The following CYREN variants were observed in gnomAD, a reference collection of about 807,000 sequenced individuals.
CYREN encodes the protein cell cycle regulator of non-homologous end joining.
Under a neutral mutation model 9.7 loss-of-function variants are expected in CYREN, and 7 were observed. That is an observed-to-expected ratio of 0.72 (90% CI 0.41 to 1.36). The LOEUF is 1.36. Ranked by LOEUF, CYREN falls within the 40% of genes most tolerant of loss-of-function variation. The pLI, the probability that CYREN is intolerant of heterozygous loss-of-function variation, is 0.01. For missense variants in CYREN, 215 were observed against 198.1 expected (o/e 1.09, Z -0.51); for synonymous variants, 76 against 77.9 (o/e 0.98, Z 0.13).
intron 2 of CYREN, among the ~76,000 whole-genome samples, chr7:135,122,516 A>AC (rs916679175): frequency 4.6e-5 from 7 of 151,332 alleles, no homozygotes; most frequent in East Asian, 1.9e-4. Flanking sequence ...AGCGAAGCAC[A>AC]CCCCCCCAAC....
At chr7:135,138,106 A>G (rs932175883) in intron 2 of CYREN, among the ~76,000 whole-genome samples, 3 of 152,048 alleles carry the variant, frequency 2.0e-5, no homozygotes, top group African/African-American at 7.2e-5. Flanking sequence ...AAAGTGAAAG[A>G]GAAATGGACT....
At chr7:135,097,212 A>C (rs1163249120) in intron 2 of CYREN, among the ~76,000 whole-genome samples, 1 of 152,204 alleles carries the variant, frequency 6.6e-6, no homozygotes, top group Non-Finnish European at 1.5e-5. Flanking sequence ...CCGTCGGTCA[A>C]CAAAGGGAAA....
intron 2 of CYREN, among the ~76,000 whole-genome samples, chr7:135,140,709 G>A (rs2117394963): frequency 6.6e-6 from 1 of 152,030 alleles, no homozygotes; most frequent in African/African-American, 2.4e-5. Flanking sequence ...ATCATAGGTG[G>A]CTCTTATTAT....
chr7:135,149,996 T>C (rs1479990189), intron 2 of CYREN, among the ~76,000 whole-genome samples: 1 of 152,222 alleles, frequency 6.6e-6, no homozygotes, highest in Non-Finnish European at 1.5e-5. Context: ...TAGTTAAACC[T>C]GTGCAATTCT....
chr7:135,168,821 C>G lies in CYREN; in HGVS notation c.102G>C (p.Arg34Ser). The G allele has an allele frequency of 2.5e-6, 4 of 1,614,170 alleles. No homozygotes were observed. Among genetic ancestry groups the G allele is most frequent in the Non-Finnish European group, 3.4e-6 (4 of 1,180,002 alleles). Residue 34 changes from arginine to serine, a missense_variant, in exon 2 of 4, where the codon AGG becomes AGC. By Grantham distance (110) the Arg-to-Ser change is moderately radical. Coordinates refer to ENST00000393114, the MANE Select transcript of CYREN (RefSeq NM_024033.4). ...KNVAPMKAPK[R>S]MRMAAVPVAA... ...CCACTGGCACTGCTGCCATTCTCAT[C>G]CTCTTGGGGGCCTTCATTGGTGCCA...
chr7:135,095,789 G>A (rs1644229436), intron 2 of CYREN, among the ~76,000 whole-genome samples: 1 of 152,120 alleles, frequency 6.6e-6, no homozygotes, highest in South Asian at 2.1e-4. Context: ...ATCATCCAGG[G>A]GAGCATCACT....
intron 2 of CYREN, chr7:135,147,901 T>TGCCGGC (rs1829579228): frequency 2.2e-6 from 1 of 455,652 alleles, no homozygotes; most frequent in African/African-American, 2.0e-5. Context: ...ACCTGGCTCT[T>TGCCGGC]TAAATCAGTT....
intron 2 of CYREN, among the ~76,000 whole-genome samples, chr7:135,106,534 G>A (rs1278083909): frequency 3.3e-5 from 5 of 152,112 alleles, no homozygotes; most frequent in African/African-American, 1.2e-4. Context: ...TGCATATGTT[G>A]AACCAAACTT....
At chr7:135,127,874 A>T (rs1165817147) in intron 2 of CYREN, among the ~76,000 whole-genome samples, 3 of 152,200 alleles carry the variant, frequency 2.0e-5, no homozygotes, top group Non-Finnish European at 4.4e-5. Flanking sequence ...ACACATGCAC[A>T]CATATGTTTA....
intron 2 of CYREN, among the ~76,000 whole-genome samples, chr7:135,105,379 GT>G (rs1272948550): frequency 6.6e-6 from 1 of 152,156 alleles, no homozygotes; most frequent in African/African-American, 2.4e-5. Flanking sequence ...CTACATTCAA[GT>G]TTTTAATCCA....
chr7:135,140,511 G>A (rs1221949857), intron 2 of CYREN, among the ~76,000 whole-genome samples: 1 of 152,112 alleles, frequency 6.6e-6, no homozygotes, highest in Non-Finnish European at 1.5e-5. Context: ...TCTGCAGAGA[G>A]ATAGTTTGAC....
chr7:135,167,731 C>T lies in CYREN; in HGVS notation c.213+1G>A. The T allele has an allele frequency of 6.2e-7, 1 of 1,614,078 alleles. No homozygotes were observed. The highest frequency in any genetic ancestry group is 8.5e-7 in the Non-Finnish European group (1 of 1,179,994). ...TGAGTAAGAGGCTTGTCTGACTTTACCTCAATCAGGATTCCCAGAGCAACA... is the reference window on the plus strand; with the variant it reads ...TGAGTAAGAGGCTTGTCTGACTTTATCTCAATCAGGATTCCCAGAGCAACA... On this transcript the variant is annotated splice_donor_variant, in intron 3 of 3. Transcript: ENST00000393114. LOFTEE classifies it high-confidence loss of function.
At chr7:135,143,235 T>C (rs752040381) in intron 2 of CYREN, among the ~76,000 whole-genome samples, 1 of 152,110 alleles carries the variant, frequency 6.6e-6, no homozygotes. Context: ...AGAGGTACAA[T>C]AATCAATACA....
chr7:135,157,685 C>T (rs1051529730), intron 2 of CYREN, among the ~76,000 whole-genome samples: 4 of 152,162 alleles, frequency 2.6e-5, no homozygotes, highest in Non-Finnish European at 2.9e-5. Context: ...TCCAAGCAGT[C>T]CATGTTGGTG....
chr7:135,115,425 T>C lies in CYREN; in HGVS notation n.357-20843A>G, dbSNP rs776435914. 1.9e-6 allele frequency: 3 copies of C among 1,551,246 alleles called. No individual in the cohort carries two copies. The South Asian group carries it at 3.6e-5, about 18-fold the overall frequency. On this transcript the variant is annotated intron_variant and non_coding_transcript_variant, in intron 2 of 2. Coordinates refer to the CYREN transcript ENST00000459937. ...AGCAAAATAAAAGAATGCATATCTT[T>C]CCAAAGCAAGAAGACTGGCATAAAT...
intron 2 of CYREN, among the ~76,000 whole-genome samples, chr7:135,119,660 G>A (rs923351042): frequency 4.2e-4 from 64 of 152,096 alleles, no homozygotes; most frequent in African/African-American, 9.6e-4. Flanking sequence ...GGCAGATCAC[G>A]AGTTCAGGAG....
In CYREN at chr7:135,166,278, A is replaced by G. The variant is rs781297643; in HGVS notation, c.*333T>C. On this transcript the variant is annotated 3_prime_UTR_variant, in exon 4 of 4. Coordinates refer to ENST00000393114, the MANE Select transcript of CYREN (RefSeq NM_024033.4). ...TTTGGTTCCAGTAAGTTGGACCACC[A>G]CATGACATCATTTTCCCTGGAACCT... is the stretch of plus-strand genomic sequence containing the variant. The G allele has an allele frequency of 5.8e-5, 14 of 242,682 alleles. No individual in the cohort carries two copies. 15.0% of individuals were successfully genotyped at this position (242,682 alleles called of 1,614,324 possible).
chr7:135,168,463 T>G (rs1830397783), intron 2 of CYREN: 2 of 404,460 alleles, frequency 4.9e-6, no homozygotes, highest in Non-Finnish European at 4.5e-6. Context: ...CCATCTGATG[T>G]TACCATGTTT....
chr7:135,137,913 C>T (rs1225797118), intron 2 of CYREN, among the ~76,000 whole-genome samples: 1 of 152,010 alleles, frequency 6.6e-6, no homozygotes, highest in Non-Finnish European at 1.5e-5. Flanking sequence ...CACGTCTCTT[C>T]TTATGATCAC....
Sources: gnomAD v4.1 joint callset for allele counts (sites outside exome capture counted in the v4.1 genomes callset) on GRCh38, gnomAD v4.1.1 for gene constraint, MANE v1.5 for transcripts, NCBI Gene and HGNC (gene_info 2026-07-23, HGNC 2026-07-21) for gene names.